The following ARID4A variants were observed in gnomAD, a reference collection of about 807,000 sequenced individuals.
ARID4A encodes the protein AT-rich interaction domain 4A.
Under a neutral mutation model 148.6 loss-of-function variants are expected in ARID4A, and 39 were observed. The observed-to-expected ratio is 0.26, with a 90% CI of 0.20 to 0.34. The LOEUF (loss-of-function observed/expected upper bound fraction) is 0.34, where lower values mean the gene tolerates loss of function less well. ARID4A is among the 10% of genes least tolerant of loss of function. The pLI is 1.00. For synonymous variants in ARID4A, 475 were observed against 481.2 expected, an observed-to-expected ratio of 0.99 and a Z score of 0.17; for missense variants, 1,265 against 1,449.1, an observed-to-expected ratio of 0.87 and a Z score of 2.06.
rs2032640705 is a variant in ARID4A at position 58,318,738 on chromosome 14, C to G, written c.382C>G (p.Pro128Ala). Residue 128 changes from proline (P) to alanine (A), a missense_variant, in exon 7 of 24, where the codon CCA becomes GCA. This residue lies in a region of ARID4A where 6 missense variants were observed against 24.2 expected (regional missense o/e 0.25). Transcript: ENST00000355431. ...ETLDQLPLTN[P>A]EHFGTPVIAK... Reference sequence around the variant, plus strand: ...ACTTGACCAGCTTCCATTAACAAATCCAGAGCATTTTGGAACTCCAGTAAT... The same window carrying G: ...ACTTGACCAGCTTCCATTAACAAATGCAGAGCATTTTGGAACTCCAGTAAT... 2 of 1,613,884 alleles carry G rather than the reference C, an allele frequency of 1.2e-6. No individual in the cohort carries two copies. Among genetic ancestry groups the G allele is most frequent in the Admixed American group, 1.7e-5 (1 of 60,000 alleles).
At chr14:58,311,728 A>G (rs2032048031) in intron 5 of ARID4A, among the ~76,000 whole-genome samples, 1 of 152,222 alleles carries the variant, frequency 6.6e-6, no homozygotes, top group African/African-American at 2.4e-5. Context: ...AATGTGATAT[A>G]TATACATAAT....
At chr14:58,360,338 AT>A (rs1178685687) in intron 18 of ARID4A, among the ~76,000 whole-genome samples, 1 of 152,168 alleles carries the variant, frequency 6.6e-6, no homozygotes, top group African/African-American at 2.4e-5. Context: ...GGGTTGCCAG[AT>A]TTTAGGATTT....
intron 1 of ARID4A, 130 bp from the exon 2 acceptor site, chr14:58,299,668 G>C: frequency 1.4e-6 from 1 of 736,234 alleles, no homozygotes; most frequent in Non-Finnish European, 2.3e-6. Flanking sequence ...GGCTGCCCTC[G>C]TAAGGGGTCT....
At chr14:58,366,303 T>C in intron 22 of ARID4A, 73 bp downstream of exon 22, 3 of 1,171,134 alleles carry the variant, frequency 2.6e-6, no homozygotes, top group Non-Finnish European at 2.5e-6. Flanking sequence ...CAACTTGGAT[T>C]AATGTTAATA....
At chr14:58,330,251 T>A in intron 11 of ARID4A, 82 bp downstream of exon 11, 1 of 1,505,254 alleles carries the variant, frequency 6.6e-7, no homozygotes, top group Non-Finnish European at 8.8e-7. Flanking sequence ...TTTCCCTCTG[T>A]TTAGATTCTC....
In ARID4A at chr14:58,366,190, G is replaced by A. The variant is rs1242073813; in HGVS notation, c.3483G>A (p.Pro1161=). 3.1e-6 allele frequency: 5 copies of A among 1,613,798 alleles called. No homozygotes were observed. Among genetic ancestry groups the A allele is most frequent in the Non-Finnish European group, 4.2e-6 (5 of 1,179,788 alleles). ...GEKDKHREKH[P]NSSPRTYKWS... is the part of the protein sequence containing the mutation. ...AAGATAAACACAGAGAAAAACATCC[G>A]AATTCATCCCCTAGGACATATAAAT... The change falls in exon 22 of 24, where the codon CCG becomes CCA. Residue 1161 remains proline (P), a synonymous_variant. Coordinates refer to ENST00000355431, the MANE Select transcript of ARID4A (RefSeq NM_002892.4).
At chr14:58,349,129 T>G (rs1210772343) in intron 15 of ARID4A, among the ~76,000 whole-genome samples, 1 of 152,212 alleles carries the variant, frequency 6.6e-6, no homozygotes, top group Non-Finnish European at 1.5e-5. Flanking sequence ...TTTACTGGCT[T>G]ATTCACTCAC....
intron 5 of ARID4A, among the ~76,000 whole-genome samples, chr14:58,310,091 C>T (rs1031837379): frequency 3.9e-5 from 6 of 152,092 alleles, no homozygotes; most frequent in Non-Finnish European, 7.4e-5. Context: ...AGTGTTTAAT[C>T]CTATCATAGG....
At chr14:58,318,915 G>A in intron 7 of ARID4A, 110 bp downstream of exon 7, 1 of 801,306 alleles carries the variant, frequency 1.2e-6, no homozygotes, top group Non-Finnish European at 2.0e-6. Flanking sequence ...ATAGCATATT[G>A]TATCCTTATG....
chr14:58,357,169 G>A (rs1316037307), intron 17 of ARID4A, among the ~76,000 whole-genome samples: 1 of 152,198 alleles, frequency 6.6e-6, no homozygotes, highest in Non-Finnish European at 1.5e-5. Flanking sequence ...AATAGACTTT[G>A]TGTTAGTTGA....
intron 23 of ARID4A, among the ~76,000 whole-genome samples, chr14:58,370,908 G>A (rs922908671): frequency 3.9e-5 from 6 of 152,154 alleles, no homozygotes; most frequent in Non-Finnish European, 5.9e-5. Flanking sequence ...AACATGCCCA[G>A]CTTATTATAG....
chr14:58,310,841 C>T (rs1369403050), intron 5 of ARID4A, among the ~76,000 whole-genome samples: 1 of 151,664 alleles, frequency 6.6e-6, no homozygotes, highest in Non-Finnish European at 1.5e-5. Flanking sequence ...GAAAAGACAA[C>T]CTTCATAATT....
intron 6 of ARID4A, 26 bp downstream of exon 6, chr14:58,318,647 G>T: frequency 6.2e-7 from 1 of 1,613,578 alleles, no homozygotes; most frequent in Non-Finnish European, 8.5e-7. Context: ...TGGACGATTT[G>T]GATTGAACTA....
chr14:58,316,249 G>C (rs190092673), intron 5 of ARID4A, among the ~76,000 whole-genome samples: 220 of 152,264 alleles, frequency 1.4e-3, no homozygotes, highest in African/African-American at 5.2e-3. Flanking sequence ...AAAGTATCTA[G>C]AATTGTGAAA....
At chr14:58,353,544 T>A in intron 16 of ARID4A, 114 bp from the exon 17 acceptor site, 1 of 854,218 alleles carries the variant, frequency 1.2e-6, no homozygotes, top group Admixed American at 2.8e-5. Flanking sequence ...CCTCCACTGA[T>A]ATGTTATTAA....
intron 7 of ARID4A, among the ~76,000 whole-genome samples, chr14:58,319,611 T>C (rs1040408507): frequency 7.4e-6 from 1 of 134,708 alleles, no homozygotes; most frequent in Non-Finnish European, 1.5e-5. Context: ...AGTGGCATGA[T>C]CTTGGCTCAC....
intron 12 of ARID4A, among the ~76,000 whole-genome samples, chr14:58,345,794 G>A (rs1163516888): frequency 7.3e-6 from 1 of 136,232 alleles, no homozygotes; most frequent in Non-Finnish European, 1.5e-5. Flanking sequence ...GCGGTGGCGT[G>A]AACATGGCTC....
In ARID4A at chr14:58,332,006, C is replaced by CG. The variant is rs1166311892; in HGVS notation, c.906+1837_906+1838insG. ...AATGCATTTTCCCTACCCCCCCCCC[C>CG]CCAAAAAACCCTGAAATTTTAAACA... On this transcript the variant is annotated intron_variant, in intron 11 of 23. Transcript: ENST00000355431. Among the ~76,000 whole-genome samples the CG allele has an allele frequency of 4.1e-5, 6 of 147,054 alleles. No individual in the cohort carries two copies. In the South Asian group the frequency reaches 6.8e-4, roughly 17 times the overall value.
intron 17 of ARID4A, 113 bp downstream of exon 17, chr14:58,353,968 C>A (rs1475453252): frequency 1.5e-5 from 15 of 972,122 alleles, no homozygotes; most frequent in Non-Finnish European, 2.1e-5. Context: ...ACAAAGCACA[C>A]CTTGGTTCTG....
Sources: gnomAD v4.1 joint callset for allele counts (sites outside exome capture counted in the v4.1 genomes callset) on GRCh38, gnomAD v4.1.1 for gene constraint, gnomAD v4.1.1 regional missense constraint, MANE v1.5 for transcripts, NCBI Gene and HGNC (gene_info 2026-07-23, HGNC 2026-07-21) for gene names.